Variants in CYP2J2 observed in about 807,000 individuals in gnomAD.
The protein encoded by CYP2J2 is cytochrome P450 family 2 subfamily J member 2, also known as cytochrome P450 2J2.
A neutral mutation model predicts 48.8 loss-of-function variants in CYP2J2; 41 were observed. That is an observed-to-expected ratio of 0.84 (90% CI 0.66 to 1.09). The LOEUF (loss-of-function observed/expected upper bound fraction) is 1.09. Ranked by LOEUF, CYP2J2 falls within the 50% of genes least tolerant of loss-of-function variation. CYP2J2 has a pLI of 0.00. For missense variants in CYP2J2, 644 were observed against 617.3 expected (o/e 1.04, Z -0.46); for synonymous variants, 221 against 227.1 (o/e 0.97, Z 0.24).
At chr1:59,929,483 A>G (rs1447611528), upstream of CYP2J2, among the ~76,000 whole-genome samples, 2 of 152,222 alleles carry the variant, frequency 1.3e-5, no homozygotes, top group African/African-American at 2.4e-5. Context: ...AATTATAAAT[A>G]TGTCCAAAGA....
chr1:59,933,664 A>G, the CYP2J2 span, among the ~76,000 whole-genome samples: 5 of 152,194 alleles, frequency 3.3e-5, no homozygotes, highest in Admixed American at 2.6e-4. Context: ...ATTAAAAAGA[A>G]TAGACTTAAC....
chr1:59,909,948 A>G lies in CYP2J2; in HGVS notation c.697T>C (p.Phe233Leu). 1 of 1,605,538 alleles carries G rather than the reference A, an allele frequency of 6.2e-7. No individual in the cohort carries two copies. Among genetic ancestry groups the G allele is most frequent in the Non-Finnish European group, 8.5e-7 (1 of 1,177,614 alleles). Residue 233 changes from phenylalanine (F) to leucine (L), a missense_variant, in exon 5 of 9, where the codon TTT (phenylalanine) becomes CTT (leucine). Coordinates refer to ENST00000371204, the MANE Select transcript of CYP2J2 (RefSeq NM_000775.4). ...ASKTCQLYNV[F>L]PWIMKFLPGP... Reference sequence around the variant, plus strand: ...GGCAGGAATTTCATTATCCATGGAAAGACATTGTAGAGCTAATTGAGAAAA... The same window carrying G: ...GGCAGGAATTTCATTATCCATGGAAGGACATTGTAGAGCTAATTGAGAAAA...
At chr1:59,904,670 G>A (rs112986295) in intron 7 of CYP2J2, among the ~76,000 whole-genome samples, 5 of 152,150 alleles carry the variant, frequency 3.3e-5, no homozygotes, top group African/African-American at 9.6e-5. Flanking sequence ...CATATTTAAC[G>A]TAGGAATCCT....
chr1:59,894,414 T>G (rs1435207826), intron 8 of CYP2J2, among the ~76,000 whole-genome samples: 2 of 152,124 alleles, frequency 1.3e-5, no homozygotes, highest in African/African-American at 2.4e-5. Context: ...CCTTTCCCTT[T>G]GCAGGCATTT....
chr1:59,908,340 C>T (rs11572278), intron 5 of CYP2J2, among the ~76,000 whole-genome samples: 1 of 152,128 alleles, frequency 6.6e-6, no homozygotes, highest in Non-Finnish European at 1.5e-5. Context: ...GGAGTGCACA[C>T]CTCTTAAGAG....
chr1:59,932,636 A>T, the CYP2J2 span, among the ~76,000 whole-genome samples: 1 of 152,120 alleles, frequency 6.6e-6, no homozygotes, highest in East Asian at 1.9e-4. Flanking sequence ...TGAGATATAC[A>T]TACAGAAAGG....
intron 8 of CYP2J2, among the ~76,000 whole-genome samples, chr1:59,896,986 G>A (rs1283478254): frequency 6.6e-6 from 1 of 152,168 alleles, no homozygotes; most frequent in African/African-American, 2.4e-5. Flanking sequence ...GGAAATGTAT[G>A]CATGCCTAAG....
rs557770949 is a variant in CYP2J2 at position 59,912,176 on chromosome 1, A to G, written c.509T>C (p.Ile170Thr). 5.0e-6 allele frequency: 8 copies of G among 1,612,978 alleles called. No homozygotes were observed. In the East Asian group the frequency reaches 1.8e-4, roughly 36 times the overall value. The change falls in exon 3 of 9, where the codon ATA becomes ACA. Residue 170 changes from isoleucine to threonine, a missense_variant. Physicochemically the swap from Ile to Thr is moderately conservative, Grantham distance 89. Coordinates refer to ENST00000371204, the MANE Select transcript of CYP2J2 (RefSeq NM_000775.4). ...QEEAQHLTEA[I>T]KEENGQPFDP... ...GCAATGCTCACCGTTCTCCTCTTTT[A>G]TTGCTTCAGTGAGGTGTTGGGCCTC...
chr1:59,917,122 C>A (rs565150911), intron 1 of CYP2J2, among the ~76,000 whole-genome samples: 6 of 152,092 alleles, frequency 3.9e-5, no homozygotes, highest in Non-Finnish European at 8.8e-5. Flanking sequence ...AGCCTCAACT[C>A]CCCAGCTATA....
intron 7 of CYP2J2, chr1:59,904,529 AG>A: frequency 5.4e-6 from 1 of 184,424 alleles, no homozygotes; most frequent in Non-Finnish European, 1.1e-5. Flanking sequence ...ACCAAAACAA[AG>A]AAAAGTGTTC....
the CYP2J2 span, among the ~76,000 whole-genome samples, chr1:59,935,016 A>ATG: frequency 7.6e-5 from 1 of 13,094 alleles, no homozygotes; most frequent in South Asian, 2.6e-3. Flanking sequence ...ATATATATAC[A>ATG]TATATATATA....
intron 5 of CYP2J2, among the ~76,000 whole-genome samples, chr1:59,909,084 G>C (rs1477250703): frequency 6.6e-6 from 1 of 152,116 alleles, no homozygotes; most frequent in African/African-American, 2.4e-5. Context: ...AGGGGATGGG[G>C]GATGAAAGGG....
At chr1:59,906,135 G>A (rs561568046) in intron 6 of CYP2J2, among the ~76,000 whole-genome samples, 15 of 152,298 alleles carry the variant, frequency 9.8e-5, no homozygotes, top group African/African-American at 1.9e-4. Flanking sequence ...GCAGTGAGCC[G>A]AGATGGTGCC....
In CYP2J2 at chr1:59,912,299, G is replaced by C; in HGVS notation, c.386C>G (p.Ser129Ter). Residue 129 changes from serine (S) to a stop codon, truncating the protein, a stop_gained, in exon 3 of 9, where the codon TCA becomes TGA. Coordinates refer to ENST00000371204, the MANE Select transcript of CYP2J2 (RefSeq NM_000775.4). LOFTEE classifies it high-confidence loss of function. ...TTGCTCCTTCCATGCCTGGCCACTT[G>C]ACATAATCAATCCTGGGAAAAAGAA... Reference protein sequence around the residue: ...HIFKKNGLIMSSGQAWKEQRR... With the variant: ...HIFKKNGLIM 6.2e-7 allele frequency: 1 copy of C among 1,612,572 alleles called. No individual in the cohort carries two copies. The highest frequency in any genetic ancestry group is 8.5e-7 in the Non-Finnish European group (1 of 1,179,376).
the CYP2J2 span, among the ~76,000 whole-genome samples, chr1:59,938,707 A>G: frequency 6.6e-6 from 1 of 152,092 alleles, no homozygotes; most frequent in East Asian, 1.9e-4. Context: ...TTCCTCTTTT[A>G]CTAATCCTCC....
chr1:59,964,568 T>G, the CYP2J2 span, among the ~76,000 whole-genome samples: 1 of 152,316 alleles, frequency 6.6e-6, no homozygotes, highest in Non-Finnish European at 1.5e-5. Flanking sequence ...GATGAGAAGC[T>G]CCTTCAATAT....
In CYP2J2 at chr1:59,918,193, T is replaced by A. The variant is rs1198642516; in HGVS notation, c.211-2093A>T. Among the ~76,000 whole-genome samples, 5 of 152,322 alleles carry A rather than the reference T, an allele frequency of 3.3e-5. No individual in the cohort carries two copies. The East Asian group carries it at 5.8e-4, about 18-fold the overall frequency. ...GACCATACACATTAAGCAATTTTTT[T>A]AATGTACCCTTGCTGAATTCCTGGA... On this transcript the variant is annotated intron_variant, in intron 1 of 8. Coordinates refer to ENST00000371204, the MANE Select transcript of CYP2J2 (RefSeq NM_000775.4).
At chr1:59,896,668 G>A (rs539960111) in intron 8 of CYP2J2, among the ~76,000 whole-genome samples, 2 of 151,864 alleles carry the variant, frequency 1.3e-5, no homozygotes, top group Non-Finnish European at 2.9e-5. Context: ...CCCCACCTGG[G>A]CTACATTACC....
At chr1:59,963,920 CAT>C in the CYP2J2 span, among the ~76,000 whole-genome samples, 83 of 152,194 alleles carry the variant, frequency 5.5e-4, no homozygotes, top group African/African-American at 1.9e-3. Context: ...TGAGTAAAAA[CAT>C]ATTTTATAAA....
Sources: allele counts gnomAD v4.1 joint callset (sites outside exome capture counted in the v4.1 genomes callset), GRCh38; gene constraint gnomAD v4.1.1; transcripts MANE v1.5; gene names NCBI Gene and HGNC (gene_info 2026-07-23, HGNC 2026-07-21).